NEGR1: variants seen among roughly 807,000 people sequenced by gnomAD.
NEGR1 encodes the protein neuronal growth regulator 1, also known as IgLON family member 4.
Under a neutral mutation model 40.9 loss-of-function variants are expected in NEGR1, and 10 were observed. The ratio of observed to expected loss-of-function variants is 0.24; its 90% CI spans 0.15 to 0.42. NEGR1 has a LOEUF of 0.42. Among genes scored for constraint, NEGR1 ranks in the 10% least tolerant of loss-of-function variants. NEGR1 has a pLI of 1.00. For synonymous variants in NEGR1, 185 were observed against 166.8 expected (o/e 1.11, Z -0.84); for missense variants, 352 against 438.9 (o/e 0.80, Z 1.77).
At position 71,592,861 on chromosome 1, in the gene NEGR1, G is replaced by A. The variant is rs535136498; in HGVS notation, c.896C>T (p.Ala299Val). The change falls in exon 6 of 7, where the codon GCT becomes GTT. Residue 299 changes from alanine (A) to valine (V), a missense_variant. Physicochemically the swap from Ala to Val is moderately conservative, Grantham distance 64. Coordinates refer to ENST00000357731, the MANE Select transcript of NEGR1 (RefSeq NM_173808.3). Reference sequence around the variant, plus strand: ...ATTGGTTGTGCCTAGCTTGTTGGCAGCCACACAGGTATAATTGCCGAAGTG... The same window carrying A: ...ATTGGTTGTGCCTAGCTTGTTGGCAACCACACAGGTATAATTGCCGAAGTG... ...QEHFGNYTCVAANKLGTTNAS... is the reference protein window; with the variant it reads ...QEHFGNYTCVVANKLGTTNAS... 6.2e-6 allele frequency: 10 copies of A among 1,613,160 alleles called. No homozygotes were observed. In the South Asian group the frequency reaches 1.1e-4, roughly 18 times the overall value.
At chr1:71,949,252 G>A (rs1421961747) in intron 1 of NEGR1, among the ~76,000 whole-genome samples, 1 of 152,164 alleles carries the variant, frequency 6.6e-6, no homozygotes, top group Non-Finnish European at 1.5e-5. Context: ...AACCTTAGAT[G>A]TCATGTCTTT....
At chr1:72,241,232 G>A (rs1381267281) in intron 1 of NEGR1, among the ~76,000 whole-genome samples, 1 of 151,588 alleles carries the variant, frequency 6.6e-6, no homozygotes, top group African/African-American at 2.4e-5. Flanking sequence ...ATACAGCTTT[G>A]GAAATAAGAA....
intron 4 of NEGR1, among the ~76,000 whole-genome samples, chr1:71,649,744 G>A (rs921525929): frequency 6.6e-6 from 1 of 152,062 alleles, no homozygotes; most frequent in African/African-American, 2.4e-5. Context: ...GAAACATTAT[G>A]TTCTCCCTGG....
rs59316206 is a variant in NEGR1 at position 72,090,365 on chromosome 1, TAA to T, written c.177-155056_177-155055del. 6.2e-3 allele frequency among the ~76,000 whole-genome samples: 816 copies of T among 131,116 alleles called. 12 individuals are homozygous for T. The highest frequency in any genetic ancestry group is 0.021 in the African/African-American group (771 of 36,536). The allele number at this position is 131,116 out of a possible 152,430, so 86.0% of individuals were successfully genotyped here. On this transcript the variant is annotated intron_variant, in intron 1 of 6. Coordinates refer to ENST00000357731, the MANE Select transcript of NEGR1 (RefSeq NM_173808.3). ...GTTTATAAAATAATTCTTTTTTTCT[TAA>T]AAAAAAAAAAAAAAAGAGCTCCCAC... is the stretch of plus-strand genomic sequence containing the variant.
chr1:72,135,375 CAAAAAAAAAA>C (rs71074819), intron 1 of NEGR1, among the ~76,000 whole-genome samples: 29 of 71,388 alleles, frequency 4.1e-4, no homozygotes, highest in African/African-American at 1.5e-3. Context: ...GACTCCGTCT[CAAAAAAAAAA>C]AAAACAAAAA....
At chr1:71,730,594 A>ATATATATATATATATATATATATATAT (rs1654829787) in intron 3 of NEGR1, among the ~76,000 whole-genome samples, 2 of 90,542 alleles carry the variant, frequency 2.2e-5, no homozygotes, top group Admixed American at 1.2e-4. Context: ...TATATATATA[A>ATATATATATATATATATATATATATAT]ATTTGAAAAG....
At chr1:71,600,015 C>T (rs1649862429) in intron 5 of NEGR1, among the ~76,000 whole-genome samples, 1 of 152,114 alleles carries the variant, frequency 6.6e-6, no homozygotes, top group South Asian at 2.1e-4. Flanking sequence ...CATAATATAA[C>T]AGCACAACCA....
intron 1 of NEGR1, among the ~76,000 whole-genome samples, chr1:72,079,022 G>T (rs779211475): frequency 2.7e-5 from 4 of 149,432 alleles, no homozygotes; most frequent in South Asian, 2.1e-4. Context: ...GATAAATGAG[G>T]TTATTTAGAT....
chr1:71,857,940 C>T (rs1659834799), intron 2 of NEGR1, among the ~76,000 whole-genome samples: 1 of 152,022 alleles, frequency 6.6e-6, no homozygotes, highest in Admixed American at 6.6e-5. Context: ...GCTAAAGAAT[C>T]TTGCATGATT....
At chr1:71,506,818 CA>C (rs1009863257) in intron 6 of NEGR1, among the ~76,000 whole-genome samples, 5 of 151,442 alleles carry the variant, frequency 3.3e-5, no homozygotes, top group African/African-American at 1.2e-4. Flanking sequence ...AAAACAAAAA[CA>C]AAAAAAACCA....
At chr1:71,947,491 T>A (rs944458914) in intron 1 of NEGR1, among the ~76,000 whole-genome samples, 4 of 152,204 alleles carry the variant, frequency 2.6e-5, no homozygotes, top group Non-Finnish European at 4.4e-5. Flanking sequence ...AAATCATTCC[T>A]AATGCTTTAT....
intron 2 of NEGR1, among the ~76,000 whole-genome samples, chr1:71,881,938 T>C (rs986576203): frequency 1.3e-5 from 2 of 152,104 alleles, no homozygotes; most frequent in African/African-American, 4.8e-5. Flanking sequence ...ACCTCTGTAA[T>C]CTACATTTTA....
At chr1:71,918,854 A>C (rs1003671434) in intron 2 of NEGR1, among the ~76,000 whole-genome samples, 2 of 152,166 alleles carry the variant, frequency 1.3e-5, no homozygotes, top group Non-Finnish European at 2.9e-5. Flanking sequence ...TATAACCAGC[A>C]AAGTTAGAAG....
At chr1:72,152,785 C>T (rs1343895540) in intron 1 of NEGR1, among the ~76,000 whole-genome samples, 3 of 151,718 alleles carry the variant, frequency 2.0e-5, no homozygotes, top group African/African-American at 7.3e-5. Context: ...TGGAATACAA[C>T]CATAAAAATA....
At chr1:71,817,313 T>C (rs1414991745) in intron 2 of NEGR1, among the ~76,000 whole-genome samples, 3 of 152,102 alleles carry the variant, frequency 2.0e-5, no homozygotes, top group South Asian at 2.1e-4. Flanking sequence ...AAGATGGTAG[T>C]ACAAAGTGCC....
intron 1 of NEGR1, among the ~76,000 whole-genome samples, chr1:71,953,989 C>T (rs1646095632): frequency 6.6e-6 from 1 of 151,812 alleles, no homozygotes; most frequent in Admixed American, 6.6e-5. Context: ...CCCAGGTAAG[C>T]CTATACCATA....
chr1:71,773,285 CA>C (rs1557646874), intron 3 of NEGR1, among the ~76,000 whole-genome samples: 1 of 152,204 alleles, frequency 6.6e-6, no homozygotes, highest in African/African-American at 2.4e-5. Flanking sequence ...CAGACACATA[CA>C]AAAACTAGCC....
chr1:71,965,553 A>G (rs1335213323), intron 1 of NEGR1, among the ~76,000 whole-genome samples: 2 of 152,136 alleles, frequency 1.3e-5, no homozygotes, highest in African/African-American at 2.4e-5. Context: ...AAGTTTGGTG[A>G]GGATCAAACT....
intron 3 of NEGR1, among the ~76,000 whole-genome samples, chr1:71,704,874 T>A (rs1653832804): frequency 1.3e-5 from 2 of 151,866 alleles, no homozygotes; most frequent in South Asian, 4.1e-4. Context: ...AAATTTTTGG[T>A]ATACCAATCT....
Sources: gnomAD v4.1 joint callset for allele counts (sites outside exome capture counted in the v4.1 genomes callset) on GRCh38, gnomAD v4.1.1 for gene constraint, MANE v1.5 for transcripts, NCBI Gene and HGNC (gene_info 2026-07-23, HGNC 2026-07-21) for gene names.